Variants in APC observed in about 807,000 individuals in gnomAD.
APC encodes the protein adenomatous polyposis coli protein.
A neutral mutation model predicts 247.0 loss-of-function variants in APC; 72 were observed. The observed-to-expected ratio is 0.29, with a 90% confidence interval of 0.24 to 0.35. The LOEUF is 0.35. Among genes scored for constraint, APC ranks in the 10% least tolerant of loss-of-function variants. The pLI is 1.00. For synonymous variants in APC, 1,254 were observed against 1,162.5 expected, an observed-to-expected ratio of 1.08 and a Z score of -1.60; for missense variants, 3,400 against 3,360.7, an observed-to-expected ratio of 1.01 and a Z score of -0.29.
At position 112,840,440 on chromosome 5, in the gene APC, A is replaced by C. The variant is rs1554086240; in HGVS notation, c.4846A>C (p.Lys1616Gln). The C allele has an allele frequency of 6.2e-7, 1 of 1,614,222 alleles. No homozygotes were observed. Residue 1616 changes from lysine to glutamine, a missense_variant, in exon 16 of 16, where the codon AAA (lysine) becomes CAA (glutamine). Physicochemically the swap from Lys to Gln is moderately conservative, Grantham distance 53. Coordinates refer to ENST00000257430, the MANE Select transcript of APC (RefSeq NM_000038.6). The surrounding 1 kb of genome is among the most constrained non-coding windows in gnomAD (Gnocchi z 4.1). ...GAAACCAAGTCAGCTGCCTGTGTACAAACTTCTACCATCACAAAACAGGTT... is the reference window on the plus strand; with the variant it reads ...GAAACCAAGTCAGCTGCCTGTGTACCAACTTCTACCATCACAAAACAGGTT... ...ARKPSQLPVYKLLPSQNRLQP... is the reference protein window; with the variant it reads ...ARKPSQLPVYQLLPSQNRLQP...
At chr5:112,783,890 TAAAC>T (rs1217481695) in intron 6 of APC, 17 of 277,100 alleles carry the variant, frequency 6.1e-5, no homozygotes, top group South Asian at 3.7e-4. Flanking sequence ...AAGTGTCTAA[TAAAC>T]AATTGTGAAA....
intron 1 of APC, among the ~76,000 whole-genome samples, chr5:112,742,738 C>T (rs1753190328): frequency 6.6e-6 from 1 of 152,308 alleles, no homozygotes; most frequent in African/African-American, 2.4e-5. Flanking sequence ...ACCATTGCTT[C>T]TGCTGTATTC....
At chr5:112,746,634 A>G (rs780780025) in intron 1 of APC, among the ~76,000 whole-genome samples, 7 of 152,226 alleles carry the variant, frequency 4.6e-5, no homozygotes, top group Non-Finnish European at 7.3e-5. Context: ...ATTTACGTTC[A>G]GCAACCACTA....
Position 112,766,351 on chromosome 5 carries a change from G to A in APC, c.161G>A (p.Ser54Asn), listed in dbSNP as rs1756321078. 1 of 1,610,496 alleles carries A rather than the reference G, an allele frequency of 6.2e-7. No individual in the cohort carries two copies. The highest frequency in any genetic ancestry group is 8.5e-7 in the Non-Finnish European group (1 of 1,176,938). Residue 54 changes from serine (S) to asparagine (N), a missense_variant, in exon 3 of 16, where the codon AGT becomes AAT. Transcript: ENST00000257430. ...MKEVLKQLQG[S>N]IEDEAMASSG... ...GAAGTACTTAAACAACTACAAGGAA[G>A]TATTGAAGATGAAGCTATGGCTTCT... is the stretch of plus-strand genomic sequence containing the variant.
In APC at chr5:112,839,252, A is replaced by G; in HGVS notation, c.3658A>G (p.Thr1220Ala). ...HMSSSSENTSTPSSNAKRQNQ... is the reference protein window; with the variant it reads ...HMSSSSENTSAPSSNAKRQNQ... ...GTCTTCAAGCAGTGAGAATACGTCC[A>G]CACCTTCATCTAATGCCAAGAGGCA... Residue 1220 changes from threonine to alanine, a missense_variant, in exon 16 of 16, where the codon ACA (threonine) becomes GCA (alanine). Coordinates refer to ENST00000257430, the MANE Select transcript of APC (RefSeq NM_000038.6). The surrounding 1 kb of genome is among the most constrained non-coding windows in gnomAD (Gnocchi z 5.0). 2 of 1,614,192 alleles carry G rather than the reference A, an allele frequency of 1.2e-6. No homozygotes were observed.
At chr5:112,781,132 A>G (rs542737750) in intron 6 of APC, among the ~76,000 whole-genome samples, 123 of 152,298 alleles carry the variant, frequency 8.1e-4, no homozygotes, top group African/African-American at 2.8e-3. Flanking sequence ...CTGCCTTGGA[A>G]TTATAAGGGA....
At chr5:112,729,916 G>T (rs149524598) in intron 1 of APC, among the ~76,000 whole-genome samples, 1 of 152,178 alleles carries the variant, frequency 6.6e-6, no homozygotes, top group Non-Finnish European at 1.5e-5. Context: ...GAGTTGTTGA[G>T]TCATCACAGT....
intron 1 of APC, among the ~76,000 whole-genome samples, chr5:112,717,922 T>C (rs1424259276): frequency 4.9e-4 from 65 of 131,736 alleles, no homozygotes; most frequent in African/African-American, 1.7e-3. Context: ...TTTTTTTTTT[T>C]TTTTTTTTTT....
At chr5:112,816,050 G>C (rs1762477667) in intron 9 of APC, among the ~76,000 whole-genome samples, 1 of 152,232 alleles carries the variant, frequency 6.6e-6, no homozygotes, top group Non-Finnish European at 1.5e-5. Context: ...TTTTCTGCAA[G>C]AATACTGAGT....
intron 2 of APC, among the ~76,000 whole-genome samples, chr5:112,764,401 T>C (rs1756036847): frequency 6.6e-6 from 1 of 152,134 alleles, no homozygotes; most frequent in African/African-American, 2.4e-5. Flanking sequence ...AAGAGATAGC[T>C]GTAAGAGAGC....
rs786204043 is a variant in APC, at chr5:112,841,790, A to G, written c.6196A>G (p.Arg2066Gly). The change falls in exon 16 of 16, where the codon AGA (arginine) becomes GGA (glycine). Residue 2066 changes from arginine (R) to glycine (G), a missense_variant. By Grantham distance (125) the Arg-to-Gly change is moderately radical. Coordinates refer to ENST00000257430, the MANE Select transcript of APC (RefSeq NM_000038.6). This position sits in a 1 kb window ranked among gnomAD's most constrained non-coding sequence, Gnocchi z 4.6. ...LKGDNEKHSP[R>G]NMGGILGEDL... is the part of the protein sequence containing the mutation. ...GGGTGATAATGAAAAACATAGTCCC[A>G]GAAATATGGGTGGCATATTAGGTGA... 38 of 1,613,984 alleles carry G rather than the reference A, an allele frequency of 2.4e-5. No homozygotes were observed. The highest frequency in any genetic ancestry group is 3.1e-5 in the Non-Finnish European group (37 of 1,179,958).
At position 112,838,333 on chromosome 5, in the gene APC, T is replaced by C. The variant is rs553363502; in HGVS notation, c.2739T>C (p.His913=). ...GTTCTGGGTCTACCACTGAATTACA[T>C]TGTGTGACAGATGAGAGAAATGCAC... ...DRSSGSTTEL[H]CVTDERNALR... The change falls in exon 16 of 16, where the codon CAT becomes CAC. Residue 913 remains histidine, a synonymous_variant. Coordinates refer to ENST00000257430, the MANE Select transcript of APC (RefSeq NM_000038.6). 2.6e-5 allele frequency: 42 copies of C among 1,614,206 alleles called. 2 individuals carry two copies. In the South Asian group the frequency reaches 4.3e-4, roughly 16 times the overall value.
chr5:112,732,420 C>T (rs1752144433), intron 1 of APC, among the ~76,000 whole-genome samples: 1 of 152,102 alleles, frequency 6.6e-6, no homozygotes, highest in Non-Finnish European at 1.5e-5. Flanking sequence ...AACTTAGTCC[C>T]GTGGCTGCAT....
In APC at chr5:112,792,519, C is replaced by G. The variant is rs751648064; in HGVS notation, c.719C>G (p.Thr240Arg). Residue 240 changes from threonine to arginine, a missense_variant, in exon 7 of 16, where the codon ACA becomes AGA. Thr to Arg is a moderately conservative substitution (Grantham distance 71). Coordinates refer to ENST00000257430, the MANE Select transcript of APC (RefSeq NM_000038.6). ...RIRQLLQSQA[T>R]EAERSSQNKH... ...CGACAGCTTTTACAGTCCCAAGCAA[C>G]AGAAGCAGAGGTTAGTAAATTGCCT... 26 of 1,612,064 alleles carry G rather than the reference C, an allele frequency of 1.6e-5. No individual in the cohort carries two copies. The South Asian group carries it at 2.6e-4, about 16-fold the overall frequency.
chr5:112,763,654 A>G (rs1404178193), intron 2 of APC, among the ~76,000 whole-genome samples: 6 of 152,192 alleles, frequency 3.9e-5, no homozygotes, highest in Non-Finnish European at 8.8e-5. Flanking sequence ...TAACTTTTCT[A>G]AAAACAAGTA....
intron 1 of APC, among the ~76,000 whole-genome samples, chr5:112,731,309 A>G (rs776998181): frequency 1.3e-5 from 2 of 152,114 alleles, no homozygotes; most frequent in African/African-American, 2.4e-5. Flanking sequence ...AATACCTGAG[A>G]CTGGGTAATT....
At chr5:112,749,420 A>T (rs1329316767) in intron 1 of APC, among the ~76,000 whole-genome samples, 1 of 151,592 alleles carries the variant, frequency 6.6e-6, no homozygotes, top group African/African-American at 2.4e-5. Context: ...AACCATTCAG[A>T]TACGGTATTT....
Position 112,766,314 on chromosome 5 carries a change from T to C in APC, c.136-12T>C, listed in dbSNP as rs1554069478. 1 of 1,538,264 alleles carries C rather than the reference T, an allele frequency of 6.5e-7. No individual in the cohort carries two copies. The highest frequency in any genetic ancestry group is 1.8e-4 in the Middle Eastern group (1 of 5,668). ...AGAATTTCATGTTAATATATTGTGT[T>C]CTTTTTAACAGGAAGTACTTAAACA... is the stretch of plus-strand genomic sequence containing the variant. On this transcript the variant is annotated splice_polypyrimidine_tract_variant and intron_variant, in intron 2 of 15. Coordinates refer to ENST00000257430, the MANE Select transcript of APC (RefSeq NM_000038.6).
chr5:112,798,260 A>G (rs973991945), intron 7 of APC, among the ~76,000 whole-genome samples: 1 of 152,250 alleles, frequency 6.6e-6, no homozygotes, highest in African/African-American at 2.4e-5. Flanking sequence ...AAAGTAAGTT[A>G]CTGATGCAGA....
Sources: allele counts gnomAD v4.1 joint callset (sites outside exome capture counted in the v4.1 genomes callset), GRCh38; gene constraint gnomAD v4.1.1; non-coding constraint Gnocchi (gnomAD v3.1); transcripts MANE v1.5; gene names NCBI Gene and HGNC (gene_info 2026-07-23, HGNC 2026-07-21).